Variants in DSCAML1 observed in about 807,000 individuals in gnomAD.
DSCAML1 encodes DS cell adhesion molecule like 1, also known as cell adhesion molecule DSCAML1.
Under a neutral mutation model 200.5 loss-of-function variants are expected in DSCAML1, and 38 were observed. That is an observed-to-expected ratio of 0.19 (90% CI 0.15 to 0.25). The LOEUF is 0.25. DSCAML1 is among the 10% of genes least tolerant of loss of function. The pLI, the probability that DSCAML1 is intolerant of heterozygous loss-of-function variation, is 1.00. For synonymous variants in DSCAML1, 1,215 were observed against 1,165.0 expected, an observed-to-expected ratio of 1.04 and a Z score of -0.87; for missense variants, 2,223 against 2,858.8, an observed-to-expected ratio of 0.78 and a Z score of 5.07.
chr11:117,487,086 GGCT>G (rs2049088220), intron 11 of DSCAML1, among the ~76,000 whole-genome samples: 1 of 151,666 alleles, frequency 6.6e-6, no homozygotes, highest in Non-Finnish European at 1.5e-5. Context: ...CACTACGCCT[GGCT>G]AATTTTTGCA....
rs60769700 is a variant in DSCAML1, at chr11:117,586,082, C to T, written c.512-53560G>A. The stretch of plus-strand genomic sequence containing the variant: ...TCCAGGACCCTAGAATGAGGGAATC[C>T]GAGGATACCCTGGACCAATCCCTCC... On this transcript the variant is annotated intron_variant, in intron 3 of 32. Transcript: ENST00000651296. Among the ~76,000 whole-genome samples, 331 of 152,186 alleles carry T rather than the reference C, an allele frequency of 2.2e-3. 2 individuals are homozygous for T. Among genetic ancestry groups the T allele is most frequent in the African/African-American group, 7.7e-3 (319 of 41,522 alleles).
chr11:117,796,727 C>G (rs1242750678), intron 1 of DSCAML1, among the ~76,000 whole-genome samples: 1 of 152,194 alleles, frequency 6.6e-6, no homozygotes, highest in Non-Finnish European at 1.5e-5. Context: ...GGGCAAGGGG[C>G]TGGGGGAGGG....
At chr11:117,531,824 T>C (rs2050080672) in intron 4 of DSCAML1, among the ~76,000 whole-genome samples, 1 of 151,380 alleles carries the variant, frequency 6.6e-6, no homozygotes, top group African/African-American at 2.4e-5. Flanking sequence ...GGGCGGAAGT[T>C]ACAGTTAGCC....
chr11:117,787,821 C>T (rs2055387412), intron 1 of DSCAML1, among the ~76,000 whole-genome samples: 1 of 152,164 alleles, frequency 6.6e-6, no homozygotes, highest in Non-Finnish European at 1.5e-5. Flanking sequence ...CAGATGTGAG[C>T]TGGAGAGGTT....
chr11:117,587,831 G>GCTCC (rs1203057183), intron 3 of DSCAML1, among the ~76,000 whole-genome samples: 3 of 152,130 alleles, frequency 2.0e-5, no homozygotes, highest in African/African-American at 7.2e-5. Context: ...TGCAGAGTGA[G>GCTCC]CTCCCTCCCA....
At chr11:117,760,077 G>T (rs537552370) in intron 3 of DSCAML1, among the ~76,000 whole-genome samples, 3 of 151,984 alleles carry the variant, frequency 2.0e-5, no homozygotes, top group Admixed American at 1.3e-4. Flanking sequence ...TCCTATCTCC[G>T]CACTCCCATT....
intron 1 of DSCAML1, among the ~76,000 whole-genome samples, chr11:117,814,799 G>C (rs2055789590): frequency 6.6e-6 from 1 of 152,206 alleles, no homozygotes; most frequent in East Asian, 1.9e-4. Context: ...GCCCAGCCTG[G>C]CTCGTCCCCC....
Position 117,428,364 on chromosome 11 carries a change from C to T in DSCAML1, c.6126G>A (p.Gly2042=), listed in dbSNP as rs1484500272. 4 of 1,586,790 alleles carry T rather than the reference C, an allele frequency of 2.5e-6. No individual in the cohort carries two copies. The highest frequency in any genetic ancestry group is 1.8e-5 in the Admixed American group (1 of 54,932). ...TGTAGGATTTGGAGTAGGCCCCGGC[C>T]CCCTGCTTCTGAGACCTCCCTACCC... ...TSGVGRSQKQ[G]AGAYSKSYTL... is the part of the protein sequence containing the mutation. Residue 2042 remains glycine, a synonymous_variant, in exon 33 of 33, where the codon GGG becomes GGA. Transcript: ENST00000651296.
intron 3 of DSCAML1, among the ~76,000 whole-genome samples, chr11:117,676,622 C>G (rs890034210): frequency 3.9e-5 from 6 of 152,226 alleles, no homozygotes; most frequent in Non-Finnish European, 8.8e-5. Flanking sequence ...CCAGCCCAAT[C>G]AGCCTCCATC....
chr11:117,559,154 A>G (rs1159071132), intron 3 of DSCAML1, among the ~76,000 whole-genome samples: 23 of 141,968 alleles, frequency 1.6e-4, no homozygotes, highest in African/African-American at 6.0e-4. Context: ...AAGAAAGAAA[A>G]GAAAGACACC....
intron 3 of DSCAML1, among the ~76,000 whole-genome samples, chr11:117,626,076 T>C (rs902157098): frequency 7.2e-5 from 11 of 152,194 alleles, no homozygotes; most frequent in African/African-American, 2.4e-4. Flanking sequence ...CTCTGGGACA[T>C]TGCCCCATTA....
chr11:117,637,596 C>G (rs376873280), intron 3 of DSCAML1, among the ~76,000 whole-genome samples: 19 of 152,154 alleles, frequency 1.2e-4, no homozygotes, highest in Non-Finnish European at 2.9e-5. Context: ...CCGCCCATCT[C>G]GGCCTCCCAA....
chr11:117,521,100 C>T lies in DSCAML1; in HGVS notation c.1213+30G>A, dbSNP rs201268500. On this transcript the variant is annotated intron_variant, in intron 6 of 32. Transcript: ENST00000651296. Reference sequence around the variant, plus strand: ...GGAATGAGCTCGGCAGCCCTGAACCCGCCCCCTGTGTCCTGGCGCCCCAGC... The same window carrying T: ...GGAATGAGCTCGGCAGCCCTGAACCTGCCCCCTGTGTCCTGGCGCCCCAGC... 600 of 1,604,240 alleles carry T rather than the reference C, an allele frequency of 3.7e-4. 1 individual carries two copies. The East Asian group carries it at 7.1e-3, about 19-fold the overall frequency.
rs527878234 is a variant in DSCAML1 at position 117,478,498 on chromosome 11, C to T, written c.2785+1945G>A. On this transcript the variant is annotated intron_variant, in intron 14 of 32. Transcript: ENST00000651296. ...CTGCAGGGCTGCAATGGCCTCTTTTCTTTTCTCCTGGATACCAATTTCTTC... is the reference window on the plus strand; with the variant it reads ...CTGCAGGGCTGCAATGGCCTCTTTTTTTTTCTCCTGGATACCAATTTCTTC... Among the ~76,000 whole-genome samples, 4 of 152,304 alleles carry T rather than the reference C, an allele frequency of 2.6e-5. No homozygotes were observed. In the East Asian group the frequency reaches 7.7e-4, roughly 29 times the overall value.
rs774442700 is a variant in DSCAML1, at chr11:117,780,593, G to A, written c.264C>T (p.Ser88=). The change falls in exon 2 of 33, where the codon TCC becomes TCT. Residue 88 remains serine, a synonymous_variant. Coordinates refer to ENST00000651296, the MANE Select transcript of DSCAML1 (RefSeq NM_020693.4). The surrounding 1 kb of genome is among the most constrained non-coding windows in gnomAD (Gnocchi z 4.8). ...GGATAAAGCTATTGAAGGCGGAGGG[G>A]GAGAAGGGGTAGAGCTGCAGCGTCC... ...ANGTLQLYPF[S]PSAFNSFIHD... The A allele has an allele frequency of 1.9e-6, 3 of 1,584,774 alleles. No homozygotes were observed. The highest frequency in any genetic ancestry group is 2.6e-6 in the Non-Finnish European group (3 of 1,163,942).
chr11:117,769,974 C>A (rs1259795287), intron 3 of DSCAML1, among the ~76,000 whole-genome samples: 1 of 152,118 alleles, frequency 6.6e-6, no homozygotes, highest in African/African-American at 2.4e-5. Flanking sequence ...ACCCTCCAGC[C>A]ATGTTCCCAG....
intron 20 of DSCAML1, among the ~76,000 whole-genome samples, chr11:117,449,399 T>C (rs2048241171): frequency 6.6e-6 from 1 of 152,114 alleles, no homozygotes. Flanking sequence ...GCTTCCCCTC[T>C]GGTAATAGAA....
chr11:117,511,304 A>T (rs1002519035), intron 8 of DSCAML1, among the ~76,000 whole-genome samples: 4 of 152,126 alleles, frequency 2.6e-5, no homozygotes, highest in Admixed American at 2.6e-4. Flanking sequence ...ATGGGCAGAA[A>T]GCACCTCTTG....
intron 6 of DSCAML1, among the ~76,000 whole-genome samples, chr11:117,519,134 G>A (rs558305773): frequency 7.2e-5 from 11 of 152,334 alleles, no homozygotes; most frequent in African/African-American, 2.4e-4. Context: ...TTCACACAGC[G>A]CTTTGTAATT....
Sources: gnomAD v4.1 joint callset for allele counts (sites outside exome capture counted in the v4.1 genomes callset) on GRCh38, gnomAD v4.1.1 for gene constraint, Gnocchi (gnomAD v3.1) non-coding constraint, MANE v1.5 for transcripts, NCBI Gene and HGNC (gene_info 2026-07-23, HGNC 2026-07-21) for gene names.